The following VPS33A variants were observed in gnomAD, a reference collection of about 807,000 sequenced individuals.
VPS33A encodes vacuolar protein sorting-associated protein 33A.
Under a neutral mutation model 71.8 loss-of-function variants are expected in VPS33A, and 32 were observed. The ratio of observed to expected loss-of-function variants is 0.45; its 90% CI spans 0.34 to 0.60. The LOEUF (loss-of-function observed/expected upper bound fraction) is 0.60. VPS33A is among the 20% of genes least tolerant of loss of function. The pLI is 0.02. For synonymous variants in VPS33A, 311 were observed against 292.7 expected, an observed-to-expected ratio of 1.06 and a Z score of -0.64; for missense variants, 625 against 748.5, an observed-to-expected ratio of 0.84 and a Z score of 1.92.
At chr12:122,252,131 A>G (rs974410362) in intron 4 of VPS33A, among the ~76,000 whole-genome samples, 3 of 146,944 alleles carry the variant, frequency 2.0e-5, no homozygotes, top group Non-Finnish European at 4.4e-5. Context: ...AGTAGCATGC[A>G]TCTGTATCTG....
At chr12:122,261,958 C>T (rs544111524) in intron 3 of VPS33A, among the ~76,000 whole-genome samples, 4 of 152,120 alleles carry the variant, frequency 2.6e-5, no homozygotes, top group South Asian at 2.1e-4. Context: ...GCCGAGACCA[C>T]GCCACTGCAT....
chr12:122,241,983 C>T (rs1257296800), intron 8 of VPS33A, among the ~76,000 whole-genome samples: 1 of 152,108 alleles, frequency 6.6e-6, no homozygotes, highest in East Asian at 1.9e-4. Context: ...TGTCGGCTCA[C>T]TGCAACCTCC....
At chr12:122,244,215 C>G (rs1954748583) in intron 7 of VPS33A, among the ~76,000 whole-genome samples, 1 of 152,198 alleles carries the variant, frequency 6.6e-6, no homozygotes, top group Non-Finnish European at 1.5e-5. Flanking sequence ...GCATGAACCA[C>G]AAGTTCTATT....
Position 122,232,130 on chromosome 12 carries a change from C to T in VPS33A, c.*116G>A, listed in dbSNP as rs1254700437. The T allele has an allele frequency of 2.0e-6, 2 of 989,134 alleles. No individual in the cohort carries two copies. The highest frequency in any genetic ancestry group is 2.6e-5 in the Admixed American group (1 of 38,970). The allele number at this position is 989,134 out of a possible 1,614,324, so 61.3% of individuals were successfully genotyped here. ...CAGTAGTATAATTTAAGAAGCTGAC[C>T]CCAGAATATATTCTGTATTCCCATG... On this transcript the variant is annotated 3_prime_UTR_variant, in exon 13 of 13. Transcript: ENST00000267199.
intron 8 of VPS33A, 114 bp downstream of exon 8, chr12:122,242,268 A>ATTAAGACAGAGTATTAAGTC: frequency 7.7e-7 from 1 of 1,301,892 alleles, no homozygotes; most frequent in East Asian, 2.3e-5. Flanking sequence ...AACACGTGGT[A>ATTAAGACAGAGTATTAAGTC]TTAAGACAGA....
intron 4 of VPS33A, among the ~76,000 whole-genome samples, chr12:122,251,596 G>C (rs1954844328): frequency 1.3e-5 from 2 of 152,164 alleles, no homozygotes; most frequent in African/African-American, 4.8e-5. Context: ...ACAATCTGTT[G>C]AGTATGATCT....
chr12:122,233,803 AG>A (rs1271375124), intron 11 of VPS33A, among the ~76,000 whole-genome samples: 1 of 152,224 alleles, frequency 6.6e-6, no homozygotes, highest in African/African-American at 2.4e-5. Flanking sequence ...ATTAAAAAGA[AG>A]GGGAAGATCA....
chr12:122,244,895 T>C (rs1954758277), intron 6 of VPS33A, 133 bp from the exon 7 acceptor site: 2 of 832,048 alleles, frequency 2.4e-6, no homozygotes, highest in East Asian at 5.3e-5. Context: ...CTCTGAGCTT[T>C]TGATTTTCCA....
chr12:122,239,765 A>G, intron 9 of VPS33A, 113 bp downstream of exon 9: 2 of 519,380 alleles, frequency 3.9e-6, no homozygotes, highest in Non-Finnish European at 6.2e-6. Flanking sequence ...AAAAAAAAAA[A>G]AAAAAAAAAA....
In VPS33A at chr12:122,251,053, T is replaced by C. The variant is rs1406125424; in HGVS notation, c.530A>G (p.Lys177Arg). 2.5e-6 allele frequency: 4 copies of C among 1,614,086 alleles called. No individual in the cohort carries two copies. The highest frequency in any genetic ancestry group is 3.4e-6 in the Non-Finnish European group (4 of 1,180,038). Residue 177 changes from lysine to arginine, a missense_variant, in exon 5 of 13, where the codon AAG (lysine) becomes AGG (arginine). Physicochemically the swap from Lys to Arg is conservative, Grantham distance 26. Coordinates refer to ENST00000267199, the MANE Select transcript of VPS33A (RefSeq NM_022916.6). ...CAGAGCTTGCAGGGTCATCAGCCCC[T>C]TGGCTGCGTGGTACAGGCTCGTCTG... is the stretch of plus-strand genomic sequence containing the variant. ...GDQTSLYHAAKGLMTLQALYG... is the reference protein window; with the variant it reads ...GDQTSLYHAARGLMTLQALYG...
At chr12:122,252,571 A>C (rs1954860138) in intron 4 of VPS33A, among the ~76,000 whole-genome samples, 1 of 150,690 alleles carries the variant, frequency 6.6e-6, no homozygotes. Flanking sequence ...CGCCCAGCCG[A>C]CCCCATCTCT....
At chr12:122,237,814 C>T (rs1223387453) in intron 10 of VPS33A, among the ~76,000 whole-genome samples, 4 of 150,938 alleles carry the variant, frequency 2.7e-5, no homozygotes, top group Non-Finnish European at 4.4e-5. Context: ...GAAATGTTAC[C>T]TATTATTATT....
chr12:122,244,820 G>A lies in VPS33A; in HGVS notation c.776-58C>T, dbSNP rs894065802. ...GTGCAATGACTGGAAGAACCAATCC[G>A]GTAACCAAGCACAAAACAGAATTTC... is the stretch of plus-strand genomic sequence containing the variant. On this transcript the variant is annotated intron_variant, in intron 6 of 12. Transcript: ENST00000267199. 8 of 1,525,486 alleles carry A rather than the reference G, an allele frequency of 5.2e-6. No individual in the cohort carries two copies. In the South Asian group the frequency reaches 7.1e-5, roughly 14 times the overall value. 94.5% of individuals were successfully genotyped at this position (1,525,486 alleles called of 1,614,324 possible).
Position 122,230,105 on chromosome 12 carries a change from T to G in VPS33A, c.*2141A>C, listed in dbSNP as rs562477857. On this transcript the variant is annotated 3_prime_UTR_variant, in exon 13 of 13. Transcript: ENST00000267199. The stretch of plus-strand genomic sequence containing the variant: ...AACAAGTATTTAAAAAAGGATTTTC[T>G]ACAATGAAAATGGTTTTCTTTAAGA... The G allele has an allele frequency of 1.3e-5, 2 of 152,356 alleles. No individual in the cohort carries two copies. Among genetic ancestry groups the G allele is most frequent in the East Asian group, 3.9e-4 (2 of 5,192 alleles). 9.4% of individuals were successfully genotyped at this position (152,356 alleles called of 1,614,324 possible). A position where few individuals can be genotyped will look rare whatever the true frequency, so the allele number is the denominator to read the frequency against.
At chr12:122,246,950 A>C (rs575229115) in intron 6 of VPS33A, among the ~76,000 whole-genome samples, 1 of 152,290 alleles carries the variant, frequency 6.6e-6, no homozygotes, top group African/African-American at 2.4e-5. Flanking sequence ...ACACTAGGAA[A>C]ATGCTCATTA....
intron 6 of VPS33A, among the ~76,000 whole-genome samples, chr12:122,246,569 G>C (rs1954779634): frequency 6.6e-6 from 1 of 151,198 alleles, no homozygotes; most frequent in Non-Finnish European, 1.5e-5. Context: ...AAAGTGCTGG[G>C]ATTACAGACA....
At chr12:122,259,045 G>A (rs1158627912) in intron 4 of VPS33A, among the ~76,000 whole-genome samples, 1 of 151,046 alleles carries the variant, frequency 6.6e-6, no homozygotes, top group Non-Finnish European at 1.5e-5. Context: ...ATATACAACT[G>A]GAACCCTCCC....
intron 8 of VPS33A, among the ~76,000 whole-genome samples, chr12:122,240,641 T>G (rs1954701378): frequency 6.6e-6 from 1 of 152,210 alleles, no homozygotes; most frequent in East Asian, 1.9e-4. Flanking sequence ...AACTGTGATT[T>G]ACTTAAGATT....
intron 7 of VPS33A, among the ~76,000 whole-genome samples, chr12:122,243,414 A>AG (rs1954739637): frequency 6.6e-6 from 1 of 151,156 alleles, no homozygotes; most frequent in African/African-American, 2.4e-5. Flanking sequence ...AAAAAAAAAA[A>AG]GTTTTGTAGA....
Sources: allele counts gnomAD v4.1 joint callset (sites outside exome capture counted in the v4.1 genomes callset), GRCh38; gene constraint gnomAD v4.1.1; transcripts MANE v1.5; gene names NCBI Gene and HGNC (gene_info 2026-07-23, HGNC 2026-07-21).